CNTN5: variants seen among roughly 807,000 people sequenced by gnomAD.
The protein encoded by CNTN5 is contactin 5.
CNTN5 carries 77 observed loss-of-function variants against 129.1 expected under a neutral mutation model. The observed-to-expected ratio is 0.60, with a 90% CI of 0.50 to 0.72. The LOEUF is 0.72. CNTN5 is among the 30% of genes least tolerant of loss of function. CNTN5 has a pLI of 0.00. For synonymous variants in CNTN5, 509 were observed against 465.6 expected (o/e 1.09, Z -1.20); for missense variants, 1,478 against 1,328.8 (o/e 1.11, Z -1.75).
At chr11:99,226,592 A>G (rs1302415840) in intron 1 of CNTN5, among the ~76,000 whole-genome samples, 1 of 152,148 alleles carries the variant, frequency 6.6e-6, no homozygotes, top group African/African-American at 2.4e-5. Flanking sequence ...CTTGTTTTGA[A>G]ATCACAATTA....
At chr11:99,617,273 C>A (rs894239704) in intron 3 of CNTN5, among the ~76,000 whole-genome samples, 4 of 152,160 alleles carry the variant, frequency 2.6e-5, no homozygotes, top group African/African-American at 7.2e-5. Context: ...TTCTGAAAAA[C>A]CATCCTGGCT....
intron 3 of CNTN5, among the ~76,000 whole-genome samples, chr11:99,691,139 C>A (rs1356738775): frequency 1.3e-5 from 2 of 150,606 alleles, no homozygotes; most frequent in East Asian, 3.9e-4. Context: ...TTATATGAAT[C>A]TTCTCTTCTT....
At chr11:99,353,324 A>T (rs899448450) in intron 2 of CNTN5, among the ~76,000 whole-genome samples, 2 of 152,164 alleles carry the variant, frequency 1.3e-5, no homozygotes, top group Admixed American at 6.5e-5. Context: ...TGTTCCAAAA[A>T]TTATTAGTAG....
At chr11:99,065,943 T>G (rs1865084667) in intron 1 of CNTN5, among the ~76,000 whole-genome samples, 1 of 152,192 alleles carries the variant, frequency 6.6e-6, no homozygotes, top group Admixed American at 6.5e-5. Context: ...TGTGAAAACC[T>G]GATAAAGCAT....
chr11:99,783,580 A>G (rs1369001724), intron 3 of CNTN5, among the ~76,000 whole-genome samples: 1 of 109,984 alleles, frequency 9.1e-6, no homozygotes, highest in Non-Finnish European at 1.9e-5. Context: ...CAAATGTCCA[A>G]CAATGATAGA....
At chr11:99,256,411 TAAGAG>T (rs1862379430) in intron 1 of CNTN5, among the ~76,000 whole-genome samples, 1 of 152,084 alleles carries the variant, frequency 6.6e-6, no homozygotes, top group Non-Finnish European at 1.5e-5. Context: ...ATAAAACTAT[TAAGAG>T]TGAAGAACTA....
At chr11:99,647,528 T>C (rs539277349) in intron 3 of CNTN5, among the ~76,000 whole-genome samples, 1 of 152,154 alleles carries the variant, frequency 6.6e-6, no homozygotes, top group South Asian at 2.1e-4. Context: ...TAATGATCTT[T>C]TGTGGTTCCA....
At chr11:99,609,884 G>T (rs770846054) in intron 3 of CNTN5, among the ~76,000 whole-genome samples, 2 of 152,008 alleles carry the variant, frequency 1.3e-5, no homozygotes, top group Non-Finnish European at 2.9e-5. Flanking sequence ...TTTTTCTTAG[G>T]GTTGTTAGAA....
intron 2 of CNTN5, among the ~76,000 whole-genome samples, chr11:99,494,224 C>T (rs988147618): frequency 3.3e-5 from 5 of 152,230 alleles, no homozygotes; most frequent in Admixed American, 3.3e-4. Flanking sequence ...AACCAAAGCC[C>T]AGATGGAATG....
chr11:99,037,576 C>CTTTTTTTTTTTTTTTTTTTTT (rs1161467398), intron 1 of CNTN5, among the ~76,000 whole-genome samples: 1 of 105,670 alleles, frequency 9.5e-6, no homozygotes, highest in African/African-American at 3.5e-5. Context: ...TTTTTCTTTT[C>CTTTTTTTTTTTTTTTTTTTTT]TTTTTTTTTT....
intron 2 of CNTN5, among the ~76,000 whole-genome samples, chr11:99,462,360 C>CTTTTTTTTTTTTTTTTTTTTTCTT (rs72276833): frequency 8.0e-6 from 1 of 125,284 alleles, no homozygotes; most frequent in African/African-American, 2.9e-5. Context: ...CTTTTCTTTT[C>CTTTTTTTTTTTTTTTTTTTTTCTT]TTTTTTTTTT....
intron 6 of CNTN5, among the ~76,000 whole-genome samples, chr11:99,880,981 C>T (rs1197405279): frequency 3.3e-5 from 5 of 151,978 alleles, no homozygotes; most frequent in African/African-American, 1.2e-4. Flanking sequence ...AGAAGCTATC[C>T]ACTGAGAAAA....
chr11:99,521,439 TA>T (rs1436797022), intron 2 of CNTN5, among the ~76,000 whole-genome samples: 3 of 152,286 alleles, frequency 2.0e-5, no homozygotes, highest in Middle Eastern at 3.4e-3. Context: ...TTGTAATCTC[TA>T]AAAAAATAAT....
intron 1 of CNTN5, among the ~76,000 whole-genome samples, chr11:99,031,799 G>T (rs1165187504): frequency 2.0e-5 from 3 of 150,340 alleles, no homozygotes; most frequent in Middle Eastern, 3.4e-3. Flanking sequence ...AAGTTTTAGG[G>T]TACATGTGCA....
rs929259845 is a variant in CNTN5, at chr11:99,038,101, A to G, written c.-210+16831A>G. ...ATTGAAAAATACTTCATAAAGAACAATTACCTTTAGTGAGGTATAACACAG... is the reference window on the plus strand; with the variant it reads ...ATTGAAAAATACTTCATAAAGAACAGTTACCTTTAGTGAGGTATAACACAG... On this transcript the variant is annotated intron_variant, in intron 1 of 24. Coordinates refer to ENST00000524871, the MANE Select transcript of CNTN5 (RefSeq NM_014361.4). 2.6e-5 allele frequency among the ~76,000 whole-genome samples: 4 copies of G among 152,152 alleles called. No individual in the cohort carries two copies. The South Asian group carries it at 6.2e-4, about 24-fold the overall frequency.
At chr11:99,872,073 T>C (rs1186950913) in intron 6 of CNTN5, among the ~76,000 whole-genome samples, 1 of 152,036 alleles carries the variant, frequency 6.6e-6, no homozygotes, top group Admixed American at 6.6e-5. Context: ...ATGAACACTG[T>C]ATTCTTTATT....
intron 1 of CNTN5, among the ~76,000 whole-genome samples, chr11:99,132,210 TA>T (rs34834590): frequency 0.88 from 131,150 of 148,752 alleles, 57,902 homozygotes; most frequent in East Asian, 0.99. Flanking sequence ...CCTTTCATGT[TA>T]AAAAAAAAAA....
intron 17 of CNTN5, among the ~76,000 whole-genome samples, chr11:100,258,131 T>G (rs186844021): frequency 6.6e-6 from 1 of 152,094 alleles, no homozygotes. Flanking sequence ...ACGAGGACTT[T>G]GTGAAGCATA....
At position 100,115,024 on chromosome 11, in the gene CNTN5, A is replaced by T. The variant is rs571717753; in HGVS notation, c.1580+40730A>T. ...TGCGCTGACACCATTAGTCTTCACCACCAGTCAGTTTCTTTAGGACTGCCT... is the reference window on the plus strand; with the variant it reads ...TGCGCTGACACCATTAGTCTTCACCTCCAGTCAGTTTCTTTAGGACTGCCT... On this transcript the variant is annotated intron_variant, in intron 13 of 24. Transcript: ENST00000524871. Among the ~76,000 whole-genome samples the T allele has an allele frequency of 5.4e-5, 8 of 147,608 alleles. No homozygotes were observed. In the South Asian group the frequency reaches 1.8e-3, roughly 33 times the overall value.
Sources: gnomAD v4.1 joint callset for allele counts (sites outside exome capture counted in the v4.1 genomes callset) on GRCh38, gnomAD v4.1.1 for gene constraint, MANE v1.5 for transcripts, NCBI Gene and HGNC (gene_info 2026-07-23, HGNC 2026-07-21) for gene names.